Variants in WWOX observed in about 807,000 individuals in gnomAD.
The protein encoded by WWOX is WW domain-containing oxidoreductase.
WWOX carries 69 observed loss-of-function variants against 46.2 expected under a neutral mutation model. The observed-to-expected ratio is 1.49, with a 90% CI of 1.23 to 1.82. The LOEUF is 1.82. WWOX is among the 40% of genes most tolerant of loss of function. The pLI is 0.00. For missense variants in WWOX, 919 were observed against 542.6 expected, an observed-to-expected ratio of 1.69 and a Z score of -6.89; for synonymous variants, 359 against 202.6, an observed-to-expected ratio of 1.77 and a Z score of -6.56.
chr16:79,110,087 G>A (rs771255612), intron 8 of WWOX, among the ~76,000 whole-genome samples: 3 of 152,062 alleles, frequency 2.0e-5, no homozygotes, highest in South Asian at 4.1e-4. Context: ...TCAGACTTTC[G>A]CTTAGCAACC....
intron 8 of WWOX, among the ~76,000 whole-genome samples, chr16:78,935,957 C>A (rs1370911321): frequency 1.3e-5 from 2 of 151,674 alleles, no homozygotes; most frequent in African/African-American, 4.8e-5. Flanking sequence ...CAGCTAGGTT[C>A]CAAAAAAAAA....
At chr16:78,379,462 C>A (rs990198084) in intron 5 of WWOX, among the ~76,000 whole-genome samples, 1 of 152,204 alleles carries the variant, frequency 6.6e-6, no homozygotes, top group Non-Finnish European at 1.5e-5. Context: ...CCTCCAGCCA[C>A]TGTACCGACG....
At position 78,593,031 on chromosome 16, in the gene WWOX, C is replaced by T. The variant is rs548436133; in HGVS notation, c.1056+160279C>T. Among the ~76,000 whole-genome samples, 5 of 152,260 alleles carry T rather than the reference C, an allele frequency of 3.3e-5. No homozygotes were observed. In the South Asian group the frequency reaches 1.0e-3, roughly 32 times the overall value. Reference sequence around the variant, plus strand: ...CAGGGAGGCTGGAAAGTACAGCCTTCAGTCCTAGCACCAATGTGTCTAGGC... The same window carrying T: ...CAGGGAGGCTGGAAAGTACAGCCTTTAGTCCTAGCACCAATGTGTCTAGGC... On this transcript the variant is annotated intron_variant, in intron 8 of 8. Coordinates refer to ENST00000566780, the MANE Select transcript of WWOX (RefSeq NM_016373.4).
intron 5 of WWOX, among the ~76,000 whole-genome samples, chr16:78,271,212 C>T (rs146783446): frequency 6.6e-6 from 1 of 152,170 alleles, no homozygotes; most frequent in East Asian, 1.9e-4. Flanking sequence ...GTATGTTATC[C>T]CATTCACAGA....
chr16:78,692,456 T>C (rs2048011521), intron 8 of WWOX, among the ~76,000 whole-genome samples: 1 of 152,194 alleles, frequency 6.6e-6, no homozygotes, highest in Non-Finnish European at 1.5e-5. Context: ...AGAAGAGTGA[T>C]GCCCCCTTCA....
At chr16:78,495,290 G>C (rs1204557616) in intron 8 of WWOX, among the ~76,000 whole-genome samples, 1 of 151,642 alleles carries the variant, frequency 6.6e-6, no homozygotes, top group South Asian at 2.1e-4. Flanking sequence ...ACAGGCGCCC[G>C]CCACCACACC....
At chr16:79,027,170 C>T (rs956934581) in intron 8 of WWOX, among the ~76,000 whole-genome samples, 1 of 150,772 alleles carries the variant, frequency 6.6e-6, no homozygotes, top group Non-Finnish European at 1.5e-5. Flanking sequence ...GTCCCAGCTA[C>T]TCAGGAGGCT....
At chr16:78,183,247 C>G (rs1040531769) in intron 5 of WWOX, among the ~76,000 whole-genome samples, 5 of 152,066 alleles carry the variant, frequency 3.3e-5, no homozygotes, top group Admixed American at 6.5e-5. Context: ...CACTAGGGGT[C>G]TATGTGTGTA....
intron 8 of WWOX, among the ~76,000 whole-genome samples, chr16:78,839,009 C>T (rs2052066590): frequency 6.6e-6 from 1 of 152,092 alleles, no homozygotes; most frequent in Admixed American, 6.5e-5. Context: ...TGTCAATTTC[C>T]TGGTTGTGAA....
At position 79,211,783 on chromosome 16, in the gene WWOX, G is replaced by C. The variant is rs1297812511; in HGVS notation, c.1232G>C (p.Ser411Thr). 6.2e-7 allele frequency: 1 copy of C among 1,614,076 alleles called. No homozygotes were observed. Among genetic ancestry groups the C allele is most frequent in the Non-Finnish European group, 8.5e-7 (1 of 1,179,966 alleles). ...AGGCTGATCCAAGAACGGCTTGGCA[G>C]CCAGTCCGGCTAAGTGGAGCTCAGA... Reference protein sequence around the residue: ...SERLIQERLGSQSG With the variant: ...SERLIQERLGTQSG Residue 411 changes from serine to threonine, a missense_variant, in exon 9 of 9, where the codon AGC (serine) becomes ACC (threonine). Coordinates refer to ENST00000566780, the MANE Select transcript of WWOX (RefSeq NM_016373.4).
At position 78,249,575 on chromosome 16, in the gene WWOX, C is replaced by T. The variant is rs546551485; in HGVS notation, c.516+85286C>T. The stretch of plus-strand genomic sequence containing the variant: ...TGAGTTTTTAATGTGGCAGCAGCCT[C>T]GGCTGGTTTCAGCATGCAGGTGAGA... On this transcript the variant is annotated intron_variant, in intron 5 of 8. Coordinates refer to ENST00000566780, the MANE Select transcript of WWOX (RefSeq NM_016373.4). Among the ~76,000 whole-genome samples the T allele has an allele frequency of 1.1e-4, 17 of 152,270 alleles. No individual in the cohort carries two copies. In the East Asian group the frequency reaches 2.5e-3, roughly 22 times the overall value.
At chr16:78,989,829 TG>T (rs2046849441) in intron 8 of WWOX, among the ~76,000 whole-genome samples, 6 of 150,428 alleles carry the variant, frequency 4.0e-5, no homozygotes, top group Admixed American at 6.6e-5. Context: ...AGCGTGTGTG[TG>T]TGTGTGTGTG....
At chr16:78,355,463 G>A (rs567525063) in intron 5 of WWOX, 43 of 322,372 alleles carry the variant, frequency 1.3e-4, no homozygotes, top group South Asian at 4.2e-4. Flanking sequence ...TTAGCCTGGC[G>A]TGGTGGCGGG....
chr16:78,484,645 A>T (rs1444559586), intron 8 of WWOX, among the ~76,000 whole-genome samples: 2 of 152,032 alleles, frequency 1.3e-5, no homozygotes, highest in Non-Finnish European at 2.9e-5. Flanking sequence ...GTAGAAGTTG[A>T]GTGGATGTGG....
At chr16:78,887,166 A>C (rs4887991) in intron 8 of WWOX, among the ~76,000 whole-genome samples, 19 of 145,634 alleles carry the variant, frequency 1.3e-4, no homozygotes, top group Non-Finnish European at 1.5e-5. Context: ...TTTGGGAACT[A>C]TTTTCTCCCG....
At chr16:78,105,256 G>C (rs1355924535) in intron 1 of WWOX, among the ~76,000 whole-genome samples, 1 of 152,204 alleles carries the variant, frequency 6.6e-6, no homozygotes, top group Non-Finnish European at 1.5e-5. Context: ...GAGGTCAGGA[G>C]TTCGAGACCT....
chr16:78,163,041 C>T (rs1394890773), intron 4 of WWOX, among the ~76,000 whole-genome samples: 1 of 152,170 alleles, frequency 6.6e-6, no homozygotes, highest in East Asian at 1.9e-4. Flanking sequence ...TTATTTTAAT[C>T]ACTGTTTCTG....
At chr16:78,208,926 A>T (rs4888763) in intron 5 of WWOX, among the ~76,000 whole-genome samples, 147,782 of 152,238 alleles carry the variant, frequency 0.97, 71,761 homozygotes, top group East Asian at 1. Context: ...TTTTTTTTAG[A>T]TCTTTCCAAA....
intron 8 of WWOX, among the ~76,000 whole-genome samples, chr16:78,720,684 C>T (rs1465500865): frequency 6.6e-6 from 1 of 151,868 alleles, no homozygotes. Flanking sequence ...AGAAAACACC[C>T]GAGTTTTATG....
Sources: gnomAD v4.1 joint callset for allele counts (sites outside exome capture counted in the v4.1 genomes callset) on GRCh38, gnomAD v4.1.1 for gene constraint, MANE v1.5 for transcripts, NCBI Gene and HGNC (gene_info 2026-07-23, HGNC 2026-07-21) for gene names.